RCC1L: variants seen among roughly 807,000 people sequenced by gnomAD.
RCC1L encodes the protein RCC1-like G exchanging factor-like protein.
RCC1L carries 46 observed loss-of-function variants against 58.6 expected under a neutral mutation model. That is an observed-to-expected ratio of 0.79 (90% CI 0.62 to 1.00). The LOEUF (loss-of-function observed/expected upper bound fraction) is 1.00, where lower values mean the gene tolerates loss of function less well. Ranked by LOEUF, RCC1L falls within the 50% of genes least tolerant of loss-of-function variation. The probability of loss-of-function intolerance (pLI) is 0.00; values close to 1 mark genes in which losing one functional copy is unlikely to be tolerated. For missense variants in RCC1L, 636 were observed against 623.6 expected (o/e 1.02, Z -0.21); for synonymous variants, 281 against 262.9 (o/e 1.07, Z -0.67).
chr7:75,057,767 G>C, intron 7 of RCC1L, 151 bp from the exon 8 acceptor site: 1 of 761,562 alleles, frequency 1.3e-6, no homozygotes, highest in Non-Finnish European at 2.3e-6. Context: ...ATCATACTAG[G>C]TGCTGGGGTA....
intron 9 of RCC1L, 191 bp downstream of exon 9, chr7:75,055,710 G>T (rs1023825844): frequency 1.8e-5 from 12 of 671,858 alleles, no homozygotes; most frequent in East Asian, 1.7e-4. Flanking sequence ...AAAACTCCAG[G>T]GGGGGAAAAC....
Position 75,058,762 on chromosome 7 carries a change from A to T in RCC1L, c.795T>A (p.Gly265=). The T allele has an allele frequency of 6.2e-7, 1 of 1,613,910 alleles. No homozygotes were observed. The highest frequency in any genetic ancestry group is 8.5e-7 in the Non-Finnish European group (1 of 1,179,834). The change falls in exon 7 of 11, where the codon GGT becomes GGA. Residue 265 remains glycine (G), a synonymous_variant. Transcript: ENST00000610322. ...GWGADGQTGL[G]HYNITSSPTK... is the part of the protein sequence containing the mutation. ...TGGGCGAGCTGGTGATATTGTAGTG[A>T]CCCAGACCTAACACAGTGGAAAATA...
intron 1 of RCC1L, among the ~76,000 whole-genome samples, chr7:75,072,192 G>GGAGA (rs150506038): frequency 1.1e-4 from 7 of 63,254 alleles, no homozygotes; most frequent in African/African-American, 1.7e-4. Context: ...ATATATATAT[G>GGAGA]GAGAGAGAGA....
At chr7:75,064,037 T>G (rs892083284) in intron 4 of RCC1L, among the ~76,000 whole-genome samples, 13 of 152,080 alleles carry the variant, frequency 8.5e-5, no homozygotes, top group Non-Finnish European at 1.8e-4. Context: ...TTTGTAAAAA[T>G]TCATCCTAAG....
At position 75,027,989 on chromosome 7, in the gene RCC1L, C is replaced by G. The variant is rs1805185199; in HGVS notation, c.*43G>C. 11 of 1,529,720 alleles carry G rather than the reference C, an allele frequency of 7.2e-6. No homozygotes were observed. The Middle Eastern group carries it at 5.8e-4, about 81-fold the overall frequency. The allele number at this position is 1,529,720 out of a possible 1,614,324, so 94.8% of individuals were successfully genotyped here. On this transcript the variant is annotated 3_prime_UTR_variant, in exon 11 of 11. Transcript: ENST00000614461. ...CTCAGAGGGGCTCCATCCGCAGTTG[C>G]ATGGAACTCCTTACCTGTTTGCCGT...
intron 10 of RCC1L, among the ~76,000 whole-genome samples, chr7:75,050,758 C>G (rs999141550): frequency 7.9e-5 from 12 of 152,246 alleles, no homozygotes; most frequent in Admixed American, 3.3e-4. Flanking sequence ...CAAGCCCCAC[C>G]ACCTTGGGAA....
intron 10 of RCC1L, among the ~76,000 whole-genome samples, chr7:75,028,330 A>G (rs1344994277): frequency 6.6e-6 from 1 of 151,982 alleles, no homozygotes; most frequent in Admixed American, 6.6e-5. Flanking sequence ...CATGTTGGCC[A>G]CGCTGGTCTT....
At chr7:75,039,558 A>G (rs1805501601), downstream of RCC1L, among the ~76,000 whole-genome samples, 1 of 152,184 alleles carries the variant, frequency 6.6e-6, no homozygotes, top group South Asian at 2.1e-4. Context: ...GGCGGTCTGC[A>G]TACCTGCAGG....
chr7:75,064,742 G>T, intron 3 of RCC1L, 94 bp from the exon 4 acceptor site: 1 of 1,388,152 alleles, frequency 7.2e-7, no homozygotes, highest in Non-Finnish European at 1.0e-6. Context: ...GTCCCGTCCT[G>T]GTTACTCACC....
chr7:75,066,535 C>G, intron 3 of RCC1L, 129 bp downstream of exon 3: 1 of 1,280,348 alleles, frequency 7.8e-7, no homozygotes, highest in Non-Finnish European at 1.1e-6. Context: ...CTGATCTGCT[C>G]AGGAAATACC....
Position 75,073,728 on chromosome 7 carries a change from C to T in RCC1L, c.10G>A (p.Val4Met), listed in dbSNP as rs1309264101. The T allele has an allele frequency of 2.7e-6, 4 of 1,504,958 alleles. No homozygotes were observed. Among genetic ancestry groups the T allele is most frequent in the Non-Finnish European group, 3.5e-6 (4 of 1,133,792 alleles). 93.2% of individuals were successfully genotyped at this position (1,504,958 alleles called of 1,614,324 possible). MAL[V>M]ALVAGARLGR... ...AGCCGAGCCCCAGCCACCAACGCCA[C>T]CAGCGCCATCCTCCGTTCCGCGCCT... Residue 4 changes from valine to methionine, a missense_variant, in exon 1 of 11, where the codon GTG becomes ATG. Transcript: ENST00000610322.
chr7:75,028,088 G>T, intron 10 of RCC1L: 1 of 1,530,058 alleles, frequency 6.5e-7, no homozygotes, highest in Non-Finnish European at 8.7e-7. Context: ...GCCTGGCGGG[G>T]GAGGAAGAGG....
At chr7:75,056,665 G>C in intron 8 of RCC1L, 1 of 1,535,486 alleles carries the variant, frequency 6.5e-7, no homozygotes, top group Non-Finnish European at 8.7e-7. Context: ...GGGGAATGAA[G>C]TAGTTCGCTC....
intron 10 of RCC1L, among the ~76,000 whole-genome samples, chr7:75,029,157 T>A (rs1805226928): frequency 6.6e-6 from 1 of 152,144 alleles, no homozygotes; most frequent in Non-Finnish European, 1.5e-5. Context: ...TATTTGGTGA[T>A]CTTCAAAGGT....
chr7:75,042,641 C>T lies in RCC1L; in HGVS notation c.*391G>A, dbSNP rs1329168252. The T allele has an allele frequency of 1.9e-6, 2 of 1,077,062 alleles. No homozygotes were observed. Among genetic ancestry groups the T allele is most frequent in the South Asian group, 2.9e-5 (1 of 34,806 alleles). The allele number at this position is 1,077,062 out of a possible 1,614,324, so 66.7% of individuals were successfully genotyped here. ...GCACACGCATGGCCTTGGCCAGACA[C>T]AAACCAAGAGACTGCCATGACAGAC... On this transcript the variant is annotated 3_prime_UTR_variant, in exon 11 of 11. Transcript: ENST00000610322.
At chr7:75,067,625 A>G (rs1425240927) in intron 2 of RCC1L, among the ~76,000 whole-genome samples, 1 of 148,270 alleles carries the variant, frequency 6.7e-6, no homozygotes, top group South Asian at 2.1e-4. Context: ...AGAGCGAGAC[A>G]CTGTTTTAAA....
At chr7:75,053,895 T>G (rs959362466) in intron 9 of RCC1L, among the ~76,000 whole-genome samples, 13 of 152,122 alleles carry the variant, frequency 8.5e-5, no homozygotes, top group South Asian at 2.1e-4. Context: ...TAGATAGTTT[T>G]TGTGTGTGTG....
intron 10 of RCC1L, among the ~76,000 whole-genome samples, chr7:75,031,754 T>A (rs1008778101): frequency 1.4e-3 from 212 of 152,292 alleles, no homozygotes; most frequent in African/African-American, 5.0e-3. Context: ...ATGATCATTA[T>A]TTATAGGTCA....
chr7:75,045,203 G>A (rs911262713), intron 10 of RCC1L, among the ~76,000 whole-genome samples: 3 of 151,626 alleles, frequency 2.0e-5, no homozygotes, highest in South Asian at 2.1e-4. Context: ...TAGAGACAGA[G>A]GTCTCACTAT....
Sources: gnomAD v4.1 joint callset for allele counts (sites outside exome capture counted in the v4.1 genomes callset) on GRCh38, gnomAD v4.1.1 for gene constraint, MANE v1.5 for transcripts, NCBI Gene and HGNC (gene_info 2026-07-23, HGNC 2026-07-21) for gene names.